ZNF469: variants seen among roughly 807,000 people sequenced by gnomAD.
ZNF469 encodes the protein zinc finger protein 469.
ZNF469 carries 1 observed loss-of-function variant against 1.0 expected under a neutral mutation model. The observed-to-expected ratio is 1.00, with a 90% CI of 0.35 to 4.73. The LOEUF is 4.73. Among genes scored for constraint, ZNF469 ranks in the 30% most tolerant of loss-of-function variants. The probability of loss-of-function intolerance (pLI) is 0.16; values close to 1 mark genes in which losing one functional copy is unlikely to be tolerated. For missense variants in ZNF469, 6,100 were observed against 5,356.3 expected (o/e 1.14, Z -4.33); for synonymous variants, 2,703 against 2,363.4 (o/e 1.14, Z -4.17).
chr16:88,165,844 A>G, the ZNF469 span, among the ~76,000 whole-genome samples: 1 of 151,310 alleles, frequency 6.6e-6, no homozygotes, highest in African/African-American at 2.4e-5. Context: ...GCCTCCAGGA[A>G]CCTCGCGTAA....
At chr16:88,295,788 A>G in the ZNF469 span, among the ~76,000 whole-genome samples, 1 of 152,124 alleles carries the variant, frequency 6.6e-6, no homozygotes, top group African/African-American at 2.4e-5. Context: ...CTCTCTCTGG[A>G]ACAGATCTGG....
the ZNF469 span, among the ~76,000 whole-genome samples, chr16:88,327,791 C>T: frequency 3.7e-4 from 57 of 152,338 alleles, no homozygotes; most frequent in Non-Finnish European, 6.6e-4. Flanking sequence ...CTGGAGAGGC[C>T]GCAGTGTGGT....
At chr16:88,161,649 G>T in the ZNF469 span, among the ~76,000 whole-genome samples, 1 of 152,134 alleles carries the variant, frequency 6.6e-6, no homozygotes, top group African/African-American at 2.4e-5. Context: ...ATTTTATTCG[G>T]ACTTCACTAG....
chr16:88,210,724 G>A, the ZNF469 span, among the ~76,000 whole-genome samples: 3 of 152,256 alleles, frequency 2.0e-5, no homozygotes, highest in Non-Finnish European at 2.9e-5. Flanking sequence ...GACCATCTAC[G>A]AACTATTCAG....
the ZNF469 span, among the ~76,000 whole-genome samples, chr16:88,223,492 GT>G: frequency 6.6e-6 from 1 of 152,224 alleles, no homozygotes; most frequent in Admixed American, 6.5e-5. Context: ...CATGTGGGGT[GT>G]TTGCATCACT....
the ZNF469 span, among the ~76,000 whole-genome samples, chr16:88,204,222 G>A: frequency 7.4e-5 from 11 of 149,524 alleles, no homozygotes; most frequent in African/African-American, 2.0e-4. Context: ...AGCGGGAGGC[G>A]CCCCGTAACC....
chr16:88,305,404 G>A, the ZNF469 span, among the ~76,000 whole-genome samples: 6 of 127,796 alleles, frequency 4.7e-5, no homozygotes, highest in Admixed American at 8.1e-5. Context: ...GCACACACAC[G>A]CTCACAGGCA....
chr16:88,249,427 TTC>T, the ZNF469 span, among the ~76,000 whole-genome samples: 398 of 40,244 alleles, frequency 9.9e-3, 11 homozygotes, highest in East Asian at 0.021. Context: ...CTTTTTCTTT[TTC>T]TTTTTTTTTT....
At chr16:88,183,527 A>T in the ZNF469 span, among the ~76,000 whole-genome samples, 1 of 152,178 alleles carries the variant, frequency 6.6e-6, no homozygotes, top group Non-Finnish European at 1.5e-5. Context: ...AGCCAGACAC[A>T]AAAGTCTCCA....
chr16:88,312,251 G>C, the ZNF469 span, among the ~76,000 whole-genome samples: 17 of 152,214 alleles, frequency 1.1e-4, no homozygotes, highest in African/African-American at 4.1e-4. Context: ...TTCAAGATGA[G>C]ATTTGGGTGG....
chr16:88,124,908 A>G, the ZNF469 span, among the ~76,000 whole-genome samples: 2 of 152,240 alleles, frequency 1.3e-5, no homozygotes, highest in South Asian at 2.1e-4. Context: ...TCGATGTTTA[A>G]TTTATCAGTC....
the ZNF469 span, among the ~76,000 whole-genome samples, chr16:88,224,602 G>A: frequency 6.6e-6 from 1 of 152,222 alleles, no homozygotes; most frequent in Non-Finnish European, 1.5e-5. Context: ...GAGAGGCTGA[G>A]CAGCCTGACA....
chr16:88,215,231 C>T, the ZNF469 span, among the ~76,000 whole-genome samples: 1 of 152,028 alleles, frequency 6.6e-6, no homozygotes, highest in Non-Finnish European at 1.5e-5. Flanking sequence ...TTTCTATCTA[C>T]CATGCTTTCT....
chr16:88,328,893 C>G, the ZNF469 span, among the ~76,000 whole-genome samples: 1 of 151,892 alleles, frequency 6.6e-6, no homozygotes, highest in African/African-American at 2.4e-5. Flanking sequence ...CAGAGGAGGC[C>G]GAGGAGGAAG....
the ZNF469 span, among the ~76,000 whole-genome samples, chr16:88,229,871 G>T: frequency 6.6e-6 from 1 of 152,200 alleles, no homozygotes; most frequent in Admixed American, 6.5e-5. Flanking sequence ...CCCCCCAGCA[G>T]GTGCAGCAGG....
the ZNF469 span, among the ~76,000 whole-genome samples, chr16:88,270,838 G>T: frequency 6.6e-6 from 1 of 152,282 alleles, no homozygotes; most frequent in Admixed American, 6.5e-5. Flanking sequence ...TGGGCTTTGA[G>T]ATCAGTGCCG....
At chr16:88,204,980 G>A in the ZNF469 span, among the ~76,000 whole-genome samples, 1 of 152,130 alleles carries the variant, frequency 6.6e-6, no homozygotes, top group Non-Finnish European at 1.5e-5. Context: ...CCAGCTGCAG[G>A]ATTTATAATG....
At chr16:88,285,959 G>T in the ZNF469 span, among the ~76,000 whole-genome samples, 1 of 152,232 alleles carries the variant, frequency 6.6e-6, no homozygotes, top group Non-Finnish European at 1.5e-5. Context: ...GCTCACTCTG[G>T]CATTGTCTGC....
the ZNF469 span, among the ~76,000 whole-genome samples, chr16:88,110,547 C>A: frequency 6.6e-6 from 1 of 152,248 alleles, no homozygotes; most frequent in Non-Finnish European, 1.5e-5. Flanking sequence ...TGAGCAGCTT[C>A]CCCAGCCCTG....
Sources: allele counts gnomAD v4.1 joint callset (sites outside exome capture counted in the v4.1 genomes callset), GRCh38; gene constraint gnomAD v4.1.1; transcripts MANE v1.5; gene names NCBI Gene and HGNC (gene_info 2026-07-23, HGNC 2026-07-21).